Variants in LIMD1 observed in about 807,000 individuals in gnomAD.
LIMD1 encodes LIM domain-containing protein 1.
A neutral mutation model predicts 58.4 loss-of-function variants in LIMD1; 23 were observed. The observed-to-expected ratio is 0.39, with a 90% confidence interval of 0.28 to 0.56. The LOEUF is 0.56. Ranked by LOEUF, LIMD1 falls within the 20% of genes least tolerant of loss-of-function variation. The probability of loss-of-function intolerance (pLI) is 0.57; values close to 1 mark genes in which losing one functional copy is unlikely to be tolerated. For synonymous variants in LIMD1, 334 were observed against 345.5 expected (o/e 0.97, Z 0.37); for missense variants, 838 against 855.5 (o/e 0.98, Z 0.25).
At position 45,679,426 on chromosome 3, in the gene LIMD1, G is replaced by A. The variant is rs1452120974; in HGVS notation, c.*2367G>A. ...GCCATGAAGAGATGTTCACCTACCC[G>A]GTATTTTAAATGTTCTGTAAATTAT... On this transcript the variant is annotated 3_prime_UTR_variant, in exon 8 of 8. Coordinates refer to ENST00000273317, the MANE Select transcript of LIMD1 (RefSeq NM_014240.3). 2.0e-5 allele frequency: 3 copies of A among 152,066 alleles called. No individual in the cohort carries two copies. Among genetic ancestry groups the A allele is most frequent in the Non-Finnish European group, 2.9e-5 (2 of 68,008 alleles). The allele number at this position is 152,066 out of a possible 1,614,324, so 9.4% of individuals were successfully genotyped here.
intron 1 of LIMD1, among the ~76,000 whole-genome samples, chr3:45,624,070 C>A (rs930145230): frequency 2.6e-5 from 4 of 152,146 alleles, no homozygotes; most frequent in Non-Finnish European, 5.9e-5. Flanking sequence ...TGCTGATGCC[C>A]AGAGCTGTCC....
At position 45,629,562 on chromosome 3, in the gene LIMD1, A is replaced by G. The variant is rs959265677; in HGVS notation, c.1409-6588A>G. Among the ~76,000 whole-genome samples, 5 of 152,060 alleles carry G rather than the reference A, an allele frequency of 3.3e-5. No homozygotes were observed. The East Asian group carries it at 9.6e-4, about 29-fold the overall frequency. On this transcript the variant is annotated intron_variant, in intron 1 of 7. Transcript: ENST00000273317. ...TGAGGACAGGCACTTCTGCCTTTGC[A>G]CCCAAATATTGCATTTTCCAAAACC...
chr3:45,620,638 GAA>G (rs1209871069), intron 1 of LIMD1, among the ~76,000 whole-genome samples: 1 of 152,002 alleles, frequency 6.6e-6, no homozygotes, highest in African/African-American at 2.4e-5. Context: ...AAATTAGCTA[GAA>G]ATCGCTTGAA....
At position 45,679,816 on chromosome 3, in the gene LIMD1, T is replaced by C. The variant is rs1222761105; in HGVS notation, c.*2757T>C. 1 of 152,210 alleles carries C rather than the reference T, an allele frequency of 6.6e-6. No homozygotes were observed. Among genetic ancestry groups the C allele is most frequent in the Non-Finnish European group, 1.5e-5 (1 of 68,042 alleles). 9.4% of individuals were successfully genotyped at this position (152,210 alleles called of 1,614,324 possible). ...GCAATACAAGGATCCATTCGTAATCTCTCTCTCACTGATGTTATTCCCCCA... is the reference window on the plus strand; with the variant it reads ...GCAATACAAGGATCCATTCGTAATCCCTCTCTCACTGATGTTATTCCCCCA... On this transcript the variant is annotated 3_prime_UTR_variant, in exon 8 of 8. Transcript: ENST00000273317.
At chr3:45,609,286 C>G (rs1033880528) in intron 1 of LIMD1, among the ~76,000 whole-genome samples, 12 of 152,204 alleles carry the variant, frequency 7.9e-5, no homozygotes, top group Non-Finnish European at 1.6e-4. Context: ...GAATCCCTGT[C>G]CCTTGTGGTA....
intron 1 of LIMD1, among the ~76,000 whole-genome samples, chr3:45,632,934 C>T (rs1701750434): frequency 6.6e-6 from 1 of 152,212 alleles, no homozygotes. Flanking sequence ...GATGCCTCAA[C>T]CCTGTTGGGT....
At position 45,678,682 on chromosome 3, in the gene LIMD1, T is replaced by G. The variant is rs1408929881; in HGVS notation, c.*1623T>G. Reference sequence around the variant, plus strand: ...CACCTTGCACCCAGAGCAAGAGGACTGGGTGCTGGGCTGCAGAGGCCGGTC... The same window carrying G: ...CACCTTGCACCCAGAGCAAGAGGACGGGGTGCTGGGCTGCAGAGGCCGGTC... On this transcript the variant is annotated 3_prime_UTR_variant, in exon 8 of 8. Coordinates refer to ENST00000273317, the MANE Select transcript of LIMD1 (RefSeq NM_014240.3). The G allele has an allele frequency of 6.6e-6, 1 of 152,234 alleles. No individual in the cohort carries two copies. The highest frequency in any genetic ancestry group is 1.5e-5 in the Non-Finnish European group (1 of 68,056). 9.4% of individuals were successfully genotyped at this position (152,234 alleles called of 1,614,324 possible).
chr3:45,603,479 A>G (rs1233430309), intron 1 of LIMD1, among the ~76,000 whole-genome samples: 2 of 151,960 alleles, frequency 1.3e-5, no homozygotes, highest in African/African-American at 2.4e-5. Flanking sequence ...GACTGCCACC[A>G]GAATGCCTTT....
intron 2 of LIMD1, among the ~76,000 whole-genome samples, chr3:45,657,727 G>A (rs1180427226): frequency 6.6e-6 from 1 of 152,100 alleles, no homozygotes; most frequent in Non-Finnish European, 1.5e-5. Flanking sequence ...ACCTGGGTAA[G>A]CCTCAATTTC....
chr3:45,650,795 A>G (rs145672150), intron 2 of LIMD1, among the ~76,000 whole-genome samples: 4,606 of 152,080 alleles, frequency 0.03, 76 homozygotes, highest in Non-Finnish European at 0.041. Flanking sequence ...CGCAATAAAC[A>G]TAACGTGTGC....
At chr3:45,653,309 G>A (rs1446430800) in intron 2 of LIMD1, among the ~76,000 whole-genome samples, 1 of 152,190 alleles carries the variant, frequency 6.6e-6, no homozygotes, top group African/African-American at 2.4e-5. Flanking sequence ...GGAAGGTCAG[G>A]TAGGGATGCT....
intron 1 of LIMD1, among the ~76,000 whole-genome samples, chr3:45,619,599 G>A (rs1575348124): frequency 6.6e-6 from 1 of 152,124 alleles, no homozygotes; most frequent in Non-Finnish European, 1.5e-5. Flanking sequence ...AGGAGTCTGA[G>A]ACCAGCCTGG....
intron 1 of LIMD1, among the ~76,000 whole-genome samples, chr3:45,601,449 AC>A (rs1701410459): frequency 6.6e-6 from 1 of 152,118 alleles, no homozygotes; most frequent in Non-Finnish European, 1.5e-5. Context: ...TGCCTGCCGC[AC>A]CCCAGCAGCT....
chr3:45,600,038 T>C (rs1473936466), intron 1 of LIMD1, among the ~76,000 whole-genome samples: 1 of 152,210 alleles, frequency 6.6e-6, no homozygotes, highest in Non-Finnish European at 1.5e-5. Context: ...GCTGGACAGC[T>C]GAGGGGCTCC....
intron 2 of LIMD1, among the ~76,000 whole-genome samples, chr3:45,662,972 A>G (rs1697463486): frequency 6.6e-6 from 1 of 151,558 alleles, no homozygotes; most frequent in African/African-American, 2.4e-5. Flanking sequence ...CGACACAGCG[A>G]GACTCCGTCT....
chr3:45,637,833 C>T (rs1488839278), intron 2 of LIMD1, among the ~76,000 whole-genome samples: 2 of 152,234 alleles, frequency 1.3e-5, no homozygotes, highest in African/African-American at 2.4e-5. Flanking sequence ...GTCCTCACTG[C>T]AATTTGCCTT....
chr3:45,672,903 C>T, intron 5 of LIMD1, 83 bp downstream of exon 5: 1 of 1,526,788 alleles, frequency 6.5e-7, no homozygotes, highest in South Asian at 1.2e-5. Flanking sequence ...ACCGACAAAA[C>T]TGTGTTTGCC....
intron 2 of LIMD1, among the ~76,000 whole-genome samples, chr3:45,661,164 C>A (rs1397158235): frequency 6.6e-6 from 1 of 152,122 alleles, no homozygotes; most frequent in Non-Finnish European, 1.5e-5. Flanking sequence ...TTCCCCTACT[C>A]CATTAAACTT....
intron 2 of LIMD1, among the ~76,000 whole-genome samples, chr3:45,651,694 A>G (rs1403296686): frequency 6.6e-6 from 1 of 151,688 alleles, no homozygotes; most frequent in Non-Finnish European, 1.5e-5. Context: ...GTGTAGTGGC[A>G]TGATCTCAGC....
Sources: allele counts gnomAD v4.1 joint callset (sites outside exome capture counted in the v4.1 genomes callset), GRCh38; gene constraint gnomAD v4.1.1; transcripts MANE v1.5; gene names NCBI Gene and HGNC (gene_info 2026-07-23, HGNC 2026-07-21).